Variants in GART observed in about 807,000 individuals in gnomAD.
GART encodes phosphoribosylglycinamide formyltransferase, phosphoribosylglycinamide synthetase, phosphoribosylaminoimidazole synthetase.
GART carries 43 observed loss-of-function variants against 107.2 expected under a neutral mutation model. The ratio of observed to expected loss-of-function variants is 0.40; its 90% confidence interval spans 0.31 to 0.52. The LOEUF (loss-of-function observed/expected upper bound fraction) is 0.52. Among genes scored for constraint, GART ranks in the 20% least tolerant of loss-of-function variants. The pLI, the probability that GART is intolerant of heterozygous loss-of-function variation, is 0.52. For missense variants in GART, 1,107 were observed against 1,206.5 expected (o/e 0.92, Z 1.22); for synonymous variants, 434 against 427.0 (o/e 1.02, Z -0.20).
At position 33,520,368 on chromosome 21, in the gene GART, G is replaced by C. The variant is rs748152476; in HGVS notation, c.1698C>G (p.Leu566=). 6.3e-5 allele frequency: 102 copies of C among 1,613,764 alleles called. No homozygotes were observed. Among genetic ancestry groups the C allele is most frequent in the Non-Finnish European group, 3.9e-5 (46 of 1,179,778 alleles). ...AKACGKAGCA[L]LGGETAEMPD... is the part of the protein sequence containing the mutation. Reference sequence around the variant, plus strand: ...GATTAAAATGGCTGATCATACCAAGGAGAGCACATCCAGCTTTTCCACAAG... The same window carrying C: ...GATTAAAATGGCTGATCATACCAAGCAGAGCACATCCAGCTTTTCCACAAG... Residue 566 remains leucine, a synonymous_variant, in exon 14 of 22, where the codon CTC becomes CTG. Coordinates refer to ENST00000381815, the MANE Select transcript of GART (RefSeq NM_000819.5).
At chr21:33,537,118 A>T (rs540820167) in intron 2 of GART, among the ~76,000 whole-genome samples, 1 of 152,274 alleles carries the variant, frequency 6.6e-6, no homozygotes, top group African/African-American at 2.4e-5. Context: ...AGAGGGCAAC[A>T]AGAGGAAGAG....
rs1374143536 is a variant in GART at position 33,511,374 on chromosome 21, A to C, written c.2192T>G (p.Phe731Cys). The C allele has an allele frequency of 8.1e-6, 13 of 1,613,972 alleles. No individual in the cohort carries two copies. The Admixed American group carries it at 2.2e-4, about 27-fold the overall frequency. The change falls in exon 17 of 22, where the codon TTT (phenylalanine) becomes TGT (cysteine). Residue 731 changes from phenylalanine (F) to cysteine (C), a missense_variant. Physicochemically the swap from Phe to Cys is radical, Grantham distance 205 (BLOSUM62 -2). Transcript: ENST00000381815. ...HLSEEEMART[F>C]NCGVGAVLVV... ...AAGGACAGCGCCAACCCCACAGTTA[A>C]ATGTTCTGGCCATCTCTTCCTCAGA... is the stretch of plus-strand genomic sequence containing the variant.
At chr21:33,506,470 A>G (rs565507132) in intron 18 of GART, among the ~76,000 whole-genome samples, 109 of 152,322 alleles carry the variant, frequency 7.2e-4, no homozygotes, top group African/African-American at 2.4e-3. Context: ...GAGATGTGCC[A>G]TTTTGAATAG....
intron 11 of GART, chr21:33,524,357 T>G: frequency 3.8e-6 from 3 of 796,936 alleles, no homozygotes; most frequent in Non-Finnish European, 4.6e-6. Flanking sequence ...CAGACTGGCC[T>G]TGGCAACATG....
intron 16 of GART, 39 bp downstream of exon 16, chr21:33,516,950 A>C: frequency 6.4e-7 from 1 of 1,553,726 alleles, no homozygotes; most frequent in Non-Finnish European, 8.7e-7. Flanking sequence ...TTTTTTCCTC[A>C]GCAATTTTCT....
At position 33,528,508 on chromosome 21, in the gene GART, T is replaced by A; in HGVS notation, c.897+11A>T. 1 of 1,591,226 alleles carries A rather than the reference T, an allele frequency of 6.3e-7. No homozygotes were observed. Among genetic ancestry groups the A allele is most frequent in the Non-Finnish European group, 8.5e-7 (1 of 1,169,828 alleles). On this transcript the variant is annotated intron_variant, in intron 9 of 21. Transcript: ENST00000381815. ...TCTTCTACCAAGTAATACTTTGATA[T>A]TTTTACCCACTTGGCACTCTGGATC... is the stretch of plus-strand genomic sequence containing the variant.
chr21:33,537,491 G>C (rs532618329), intron 2 of GART, among the ~76,000 whole-genome samples: 4 of 152,148 alleles, frequency 2.6e-5, no homozygotes, highest in Non-Finnish European at 5.9e-5. Flanking sequence ...TTATATTCTA[G>C]TGGAGGAAAA....
chr21:33,541,399 G>C lies in GART; in HGVS notation c.-42+666C>G, dbSNP rs565080643. On this transcript the variant is annotated intron_variant, in intron 1 of 21. Transcript: ENST00000381815. ...TGACCTCCAATGGTCAACCCACCTTGGCCTCCCAAGTGCTGGGATTACATC... is the reference window on the plus strand; with the variant it reads ...TGACCTCCAATGGTCAACCCACCTTCGCCTCCCAAGTGCTGGGATTACATC... Among the ~76,000 whole-genome samples the C allele has an allele frequency of 1.4e-4, 21 of 152,290 alleles. No homozygotes were observed. The South Asian group carries it at 2.1e-3, about 15-fold the overall frequency.
At chr21:33,525,958 C>T (rs1437478459) in intron 10 of GART, among the ~76,000 whole-genome samples, 2 of 151,356 alleles carry the variant, frequency 1.3e-5, no homozygotes, top group Non-Finnish European at 2.9e-5. Flanking sequence ...CAAGCTCCTC[C>T]TCCCAGGTTC....
rs1230875451 is a variant in GART at position 33,520,536 on chromosome 21, A to G, written c.1530T>C (p.Asp510=). 1 of 1,614,132 alleles carries G rather than the reference A, an allele frequency of 6.2e-7. No individual in the cohort carries two copies. Among genetic ancestry groups the G allele is most frequent in the Non-Finnish European group, 8.5e-7 (1 of 1,179,980 alleles). ...TTGCTACCAAATCTTGACCAATGGT[A>G]TCATGTTTATTGCATAGCTGGGCAA... is the stretch of plus-strand genomic sequence containing the variant. ...LKIAQLCNKH[D]TIGQDLVAMC... is the part of the protein sequence containing the mutation. The change falls in exon 14 of 22, where the codon GAT becomes GAC. Residue 510 remains aspartate, a synonymous_variant. Transcript: ENST00000381815.
intron 2 of GART, among the ~76,000 whole-genome samples, chr21:33,535,743 C>T (rs890916101): frequency 6.6e-6 from 1 of 152,150 alleles, no homozygotes; most frequent in Non-Finnish European, 1.5e-5. Flanking sequence ...AAGATGTCAA[C>T]ACGGCGGGGC....
rs773753539 is a variant in GART at position 33,504,425 on chromosome 21, A to T, written c.2828T>A (p.Val943Glu). Reference protein sequence around the residue: ...ETGVTVTGCTVHFVAEDVDAG... With the variant: ...ETGVTVTGCTEHFVAEDVDAG... ...AGACATACTCACAGCTACAAAGTGT[A>T]CAGTGCACCCAGTAACTGTGACTCC... is the stretch of plus-strand genomic sequence containing the variant. The change falls in exon 21 of 22, where the codon GTA becomes GAA. Residue 943 changes from valine (V) to glutamate (E), a missense_variant. By Grantham distance (121) the Val-to-Glu change is moderately radical (BLOSUM62 -2). Coordinates refer to ENST00000381815, the MANE Select transcript of GART (RefSeq NM_000819.5). 3 of 1,613,970 alleles carry T rather than the reference A, an allele frequency of 1.9e-6. No individual in the cohort carries two copies. The highest frequency in any genetic ancestry group is 2.5e-6 in the Non-Finnish European group (3 of 1,179,816).
Position 33,520,358 on chromosome 21 carries a change from TC to T in GART, c.1702+5del. On this transcript the variant is annotated splice_donor_5th_base_variant and intron_variant, in intron 14 of 21. Coordinates refer to ENST00000381815, the MANE Select transcript of GART (RefSeq NM_000819.5). ...ACATGTTATTGATTAAAATGGCTGA[TC>T]ATACCAAGGAGAGCACATCCAGCTT... is the stretch of plus-strand genomic sequence containing the variant. 6.2e-7 allele frequency: 1 copy of T among 1,613,138 alleles called. No homozygotes were observed. The highest frequency in any genetic ancestry group is 8.5e-7 in the Non-Finnish European group (1 of 1,179,232).
At chr21:33,538,109 C>T (rs1443816899) in intron 2 of GART, among the ~76,000 whole-genome samples, 2 of 151,510 alleles carry the variant, frequency 1.3e-5, no homozygotes, top group Admixed American at 6.6e-5. Context: ...CTGGGTGTGG[C>T]GGCATGCACC....
intron 21 of GART, 32 bp downstream of exon 21, chr21:33,504,380 A>G: frequency 6.2e-7 from 1 of 1,608,884 alleles, no homozygotes; most frequent in African/African-American, 1.3e-5. Context: ...TCTGACTACT[A>G]ATATTATGTT....
chr21:33,522,434 C>T, intron 11 of GART, 152 bp from the exon 12 acceptor site: 1 of 615,432 alleles, frequency 1.6e-6, no homozygotes. Context: ...CACATCTATA[C>T]AGATTCTGAT....
chr21:33,528,053 G>T, intron 10 of GART, 114 bp downstream of exon 10: 1 of 941,180 alleles, frequency 1.1e-6, no homozygotes, highest in Non-Finnish European at 1.7e-6. Context: ...CCTCTGAAAG[G>T]TTTCTGATGG....
chr21:33,504,445 G>C lies in GART; in HGVS notation c.2808C>G (p.Val936=). ...AGTGTACAGTGCACCCAGTAACTGT[G>C]ACTCCGGTTTCCAGGGCTTGCTCAT... ...NAHEQALETG[V]TVTGCTVHFV... is the part of the protein sequence containing the mutation. The change falls in exon 21 of 22, where the codon GTC becomes GTG. Residue 936 remains valine (V), a synonymous_variant. Coordinates refer to ENST00000381815, the MANE Select transcript of GART (RefSeq NM_000819.5). The C allele has an allele frequency of 6.2e-7, 1 of 1,614,058 alleles. No individual in the cohort carries two copies. The highest frequency in any genetic ancestry group is 8.5e-7 in the Non-Finnish European group (1 of 1,179,962).
chr21:33,509,549 T>C (rs1046593522), intron 18 of GART: 1 of 379,260 alleles, frequency 2.6e-6, no homozygotes, highest in African/African-American at 2.1e-5. Context: ...GCTTCTATCT[T>C]TTCTGGTTTC....
Sources: allele counts gnomAD v4.1 joint callset (sites outside exome capture counted in the v4.1 genomes callset), GRCh38; gene constraint gnomAD v4.1.1; transcripts MANE v1.5; gene names NCBI Gene and HGNC (gene_info 2026-07-23, HGNC 2026-07-21).